Variants in STX8 observed in about 807,000 individuals in gnomAD.
STX8 encodes syntaxin-8.
In STX8, 23 loss-of-function variants were observed where a neutral mutation model predicts 37.5. That is an observed-to-expected ratio of 0.61 (90% CI 0.44 to 0.87). STX8 has a LOEUF of 0.87. Among genes scored for constraint, STX8 ranks in the 40% least tolerant of loss-of-function variants. The pLI, the probability that STX8 is intolerant of heterozygous loss-of-function variation, is 0.00. For missense variants in STX8, 313 were observed against 284.7 expected (o/e 1.10, Z -0.71); for synonymous variants, 115 against 99.1 (o/e 1.16, Z -0.95).
chr17:9,272,077 A>G (rs1907486093), intron 7 of STX8, among the ~76,000 whole-genome samples: 1 of 152,098 alleles, frequency 6.6e-6, no homozygotes. Context: ...TTGCTGTCCT[A>G]ATCCACACCC....
intron 7 of STX8, among the ~76,000 whole-genome samples, chr17:9,298,393 C>T (rs1326023717): frequency 6.6e-6 from 1 of 152,216 alleles, no homozygotes; most frequent in Non-Finnish European, 1.5e-5. Flanking sequence ...AGGAAATCAG[C>T]TCAGGTTTTC....
rs549041621 is a variant in STX8, at chr17:9,545,006, C to A, written c.323+166G>T. On this transcript the variant is annotated intron_variant, in intron 4 of 7. Transcript: ENST00000306357. Reference sequence around the variant, plus strand: ...CGAGACTCTGTCTCAAACAAACAAACAAAAATTAACGAAAACTAAATTGAG... The same window carrying A: ...CGAGACTCTGTCTCAAACAAACAAAAAAAAATTAACGAAAACTAAATTGAG... Among the ~76,000 whole-genome samples the A allele has an allele frequency of 7.6e-4, 115 of 151,968 alleles. 1 individual carries two copies. The highest frequency in any genetic ancestry group is 3.5e-4 in the Non-Finnish European group (24 of 67,928).
intron 4 of STX8, among the ~76,000 whole-genome samples, chr17:9,539,855 C>T (rs1343282520): frequency 6.6e-6 from 1 of 152,072 alleles, no homozygotes; most frequent in Admixed American, 6.6e-5. Context: ...ATGAGTTTCT[C>T]CAAAGATAGA....
intron 6 of STX8, among the ~76,000 whole-genome samples, chr17:9,465,458 A>C (rs963876044): frequency 6.6e-6 from 1 of 152,104 alleles, no homozygotes; most frequent in South Asian, 2.1e-4. Flanking sequence ...GTGAACCCTG[A>C]CTAGCCAATC....
chr17:9,502,948 C>CA (rs920372132), intron 5 of STX8, among the ~76,000 whole-genome samples: 10 of 150,992 alleles, frequency 6.6e-5, no homozygotes, highest in East Asian at 5.8e-4. Flanking sequence ...ACTAAAAATA[C>CA]AAAAAAAATT....
At chr17:9,448,232 C>T (rs1353620570) in intron 6 of STX8, among the ~76,000 whole-genome samples, 1 of 151,656 alleles carries the variant, frequency 6.6e-6, no homozygotes, top group Non-Finnish European at 1.5e-5. Flanking sequence ...TATGAATTTG[C>T]CTACTTGCTA....
Position 9,295,754 on chromosome 17 carries a change from A to G in STX8, c.644-45109T>C, listed in dbSNP as rs533046040. ...GAGATTCCGTCCCCCCTCCCCCCCA[A>G]AAAAAGGAGGCTGGGTGCAGTGGCT... On this transcript the variant is annotated intron_variant, in intron 7 of 7. Transcript: ENST00000306357. Among the ~76,000 whole-genome samples, 3 of 151,294 alleles carry G rather than the reference A, an allele frequency of 2.0e-5. 1 individual carries two copies. Among genetic ancestry groups the G allele is most frequent in the Admixed American group, 2.0e-4 (3 of 15,188 alleles).
intron 7 of STX8, among the ~76,000 whole-genome samples, chr17:9,348,717 CTG>C (rs1348680423): frequency 1.3e-5 from 2 of 152,186 alleles, no homozygotes; most frequent in Admixed American, 6.6e-5. Context: ...TTTCACCACA[CTG>C]TGATAACTTT....
At chr17:9,381,412 C>T (rs1323709619) in intron 6 of STX8, among the ~76,000 whole-genome samples, 1 of 151,860 alleles carries the variant, frequency 6.6e-6, no homozygotes, top group African/African-American at 2.4e-5. Context: ...ATTCTGAAGG[C>T]GACATGGGTG....
At chr17:9,256,411 C>A (rs1234273043) in intron 7 of STX8, among the ~76,000 whole-genome samples, 1 of 152,146 alleles carries the variant, frequency 6.6e-6, no homozygotes, top group African/African-American at 2.4e-5. Flanking sequence ...TCCTTCCCTT[C>A]CTTAACGTTT....
At chr17:9,400,077 ATTATTTAT>A (rs75045324) in intron 6 of STX8, among the ~76,000 whole-genome samples, 1 of 149,792 alleles carries the variant, frequency 6.7e-6, no homozygotes, top group Admixed American at 6.6e-5. Flanking sequence ...AGGCAGTGGA[ATTATTTAT>A]TTATTTAATT....
chr17:9,254,841 G>C (rs528578812), intron 7 of STX8, among the ~76,000 whole-genome samples: 1 of 152,060 alleles, frequency 6.6e-6, no homozygotes, highest in Admixed American at 6.5e-5. Flanking sequence ...ACACACACGC[G>C]CACGTGTGTG....
chr17:9,538,241 G>C (rs977025946), intron 4 of STX8, among the ~76,000 whole-genome samples: 1 of 152,184 alleles, frequency 6.6e-6, no homozygotes, highest in East Asian at 1.9e-4. Context: ...CTGTATTTCA[G>C]GGACATACAT....
intron 7 of STX8, among the ~76,000 whole-genome samples, chr17:9,251,721 G>A (rs1906584910): frequency 6.6e-6 from 1 of 152,218 alleles, no homozygotes; most frequent in Non-Finnish European, 1.5e-5. Flanking sequence ...GAACATAAGA[G>A]TCCAATTTGC....
intron 7 of STX8, among the ~76,000 whole-genome samples, chr17:9,265,814 G>A (rs562410809): frequency 1.5e-4 from 23 of 152,308 alleles, no homozygotes; most frequent in Non-Finnish European, 2.9e-4. Context: ...TTTGTTGGGG[G>A]CGCTGGAGGG....
intron 6 of STX8, among the ~76,000 whole-genome samples, chr17:9,442,895 A>C (rs1471678458): frequency 1.3e-5 from 2 of 152,172 alleles, no homozygotes; most frequent in African/African-American, 4.8e-5. Flanking sequence ...GACTCATTAA[A>C]ACATTTAGAG....
intron 6 of STX8, among the ~76,000 whole-genome samples, chr17:9,380,081 C>T (rs1478954270): frequency 2.0e-5 from 3 of 151,880 alleles, no homozygotes; most frequent in Non-Finnish European, 4.4e-5. Context: ...TAGTATAGTA[C>T]GATCTTAACT....
chr17:9,524,496 T>C (rs1905482072), intron 4 of STX8, among the ~76,000 whole-genome samples: 1 of 152,190 alleles, frequency 6.6e-6, no homozygotes, highest in Non-Finnish European at 1.5e-5. Flanking sequence ...GGCAGAGTCC[T>C]CATGACTTAC....
intron 2 of STX8, among the ~76,000 whole-genome samples, chr17:9,559,780 T>TTTTTTTTG (rs1663311324): frequency 7.7e-6 from 1 of 129,580 alleles, no homozygotes; most frequent in Non-Finnish European, 1.6e-5. Context: ...TTTTTTTTTT[T>TTTTTTTTG]GAGACAGAGT....
Sources: allele counts gnomAD v4.1 joint callset (sites outside exome capture counted in the v4.1 genomes callset), GRCh38; gene constraint gnomAD v4.1.1; transcripts MANE v1.5; gene names NCBI Gene and HGNC (gene_info 2026-07-23, HGNC 2026-07-21).